The following XIRP2 variants were observed in gnomAD, a reference collection of about 807,000 sequenced individuals.
The protein encoded by XIRP2 is xin actin binding repeat containing 2.
Under a neutral mutation model 277.0 loss-of-function variants are expected in XIRP2, and 236 were observed. The observed-to-expected ratio is 0.85, with a 90% CI of 0.77 to 0.95. XIRP2 has a LOEUF of 0.95. XIRP2 is among the 40% of genes least tolerant of loss of function. XIRP2 has a pLI of 0.00. For synonymous variants in XIRP2, 1,490 were observed against 1,416.5 expected, an observed-to-expected ratio of 1.05 and a Z score of -1.17; for missense variants, 4,640 against 4,157.5, an observed-to-expected ratio of 1.12 and a Z score of -3.19.
At chr2:167,182,518 A>G (rs1032034751) in intron 3 of XIRP2, among the ~76,000 whole-genome samples, 7 of 152,136 alleles carry the variant, frequency 4.6e-5, no homozygotes, top group African/African-American at 1.7e-4. Context: ...AAAACATATC[A>G]CCCAACGTAG....
At chr2:167,042,154 C>T (rs1043260623) in intron 2 of XIRP2, among the ~76,000 whole-genome samples, 15 of 152,142 alleles carry the variant, frequency 9.9e-5, no homozygotes, top group Admixed American at 9.2e-4. Context: ...GAATTCATTA[C>T]GACCAGACCT....
intron 5 of XIRP2, among the ~76,000 whole-genome samples, chr2:167,222,771 G>T (rs1694470230): frequency 6.6e-6 from 1 of 152,128 alleles, no homozygotes; most frequent in African/African-American, 2.4e-5. Flanking sequence ...ATTTGCTATT[G>T]ATGTAAAATT....
chr2:166,910,829 T>C (rs1684681043), intron 2 of XIRP2, among the ~76,000 whole-genome samples: 2 of 152,224 alleles, frequency 1.3e-5, no homozygotes, highest in South Asian at 2.1e-4. Context: ...TTCTCATTGG[T>C]TTCAAAGAAC....
intron 7 of XIRP2, 70 bp downstream of exon 7, chr2:167,240,806 C>T (rs1199701227): frequency 2.4e-5 from 33 of 1,371,498 alleles, no homozygotes; most frequent in Non-Finnish European, 3.1e-5. Context: ...GAATGGATGA[C>T]TTCCAAAGCA....
chr2:167,172,274 T>G (rs1396431762), intron 3 of XIRP2, among the ~76,000 whole-genome samples: 1 of 152,124 alleles, frequency 6.6e-6, no homozygotes, highest in Non-Finnish European at 1.5e-5. Context: ...GTCACAGAGA[T>G]CACATGCTTC....
chr2:167,099,242 A>G (rs1400838587), intron 2 of XIRP2, among the ~76,000 whole-genome samples: 1 of 152,118 alleles, frequency 6.6e-6, no homozygotes, highest in Non-Finnish European at 1.5e-5. Flanking sequence ...TGGCTACAGT[A>G]GCTTTGCCTA....
chr2:167,167,336 A>G (rs909277675), intron 3 of XIRP2, among the ~76,000 whole-genome samples: 22 of 152,254 alleles, frequency 1.4e-4, no homozygotes, highest in African/African-American at 5.1e-4. Flanking sequence ...ATTCAAAGTG[A>G]TTACTAATAT....
chr2:166,938,155 C>T (rs1472404059), intron 2 of XIRP2, among the ~76,000 whole-genome samples: 1 of 152,092 alleles, frequency 6.6e-6, no homozygotes, highest in East Asian at 1.9e-4. Context: ...TGTGTTTGCT[C>T]TTGCTTTTCT....
chr2:167,039,173 G>T (rs1688591347), intron 2 of XIRP2, among the ~76,000 whole-genome samples: 1 of 151,676 alleles, frequency 6.6e-6, no homozygotes, highest in African/African-American at 2.4e-5. Context: ...ATAAAATAAG[G>T]ACAACTCTAA....
At position 166,965,950 on chromosome 2, in the gene XIRP2, T is replaced by A. The variant is rs556396934; in HGVS notation, c.408+62060T>A. The stretch of plus-strand genomic sequence containing the variant: ...TTTTATCAAATTAAAAGTTGTAAAC[T>A]GTTACATAAAATAGATAAAATAAAA... On this transcript the variant is annotated intron_variant, in intron 2 of 10. Transcript: ENST00000409195. Among the ~76,000 whole-genome samples the A allele has an allele frequency of 3.3e-5, 5 of 152,046 alleles. No individual in the cohort carries two copies. In the South Asian group the frequency reaches 8.3e-4, roughly 25 times the overall value.
intron 2 of XIRP2, among the ~76,000 whole-genome samples, chr2:167,102,902 A>G (rs566104527): frequency 6.6e-6 from 1 of 152,312 alleles, no homozygotes; most frequent in African/African-American, 2.4e-5. Context: ...GCAGTTTTAT[A>G]AAAATACAAT....
chr2:167,237,753 G>A (rs1412511545), intron 5 of XIRP2, among the ~76,000 whole-genome samples: 1 of 152,102 alleles, frequency 6.6e-6, no homozygotes, highest in Non-Finnish European at 1.5e-5. Flanking sequence ...GTTCTGATCA[G>A]GTGCACATTC....
intron 2 of XIRP2, among the ~76,000 whole-genome samples, chr2:166,924,419 G>A (rs1247666220): frequency 1.3e-5 from 2 of 151,944 alleles, no homozygotes; most frequent in African/African-American, 4.8e-5. Context: ...CAAGGACATG[G>A]ATCAGCTTTA....
intron 3 of XIRP2, among the ~76,000 whole-genome samples, chr2:167,155,989 C>T (rs1380769147): frequency 3.3e-5 from 5 of 150,124 alleles, no homozygotes; most frequent in African/African-American, 1.2e-4. Flanking sequence ...AGTGCACTCC[C>T]ATTCACAATT....
chr2:166,947,703 C>G (rs1228171913), intron 2 of XIRP2, among the ~76,000 whole-genome samples: 2 of 152,094 alleles, frequency 1.3e-5, no homozygotes, highest in Non-Finnish European at 2.9e-5. Context: ...TTGGTGGTTT[C>G]TTACAAAACT....
At position 167,257,884 on chromosome 2, in the gene XIRP2, A is replaced by G. The variant is rs769260179; in HGVS notation, c.*67A>G. 1 of 1,602,120 alleles carries G rather than the reference A, an allele frequency of 6.2e-7. No homozygotes were observed. The highest frequency in any genetic ancestry group is 8.5e-7 in the Non-Finnish European group (1 of 1,176,146). On this transcript the variant is annotated 3_prime_UTR_variant, in exon 11 of 11. Transcript: ENST00000409195. ...TGGGAAATTATGCATCACTTCATGG[A>G]CAAATATACTGTAAACCTCACTTTA...
In XIRP2 at chr2:167,251,354, T is replaced by C. The variant is rs181228402; in HGVS notation, c.9962T>C (p.Met3321Thr). The change falls in exon 9 of 11, where the codon ATG becomes ACG. Residue 3321 changes from methionine to threonine, a missense_variant. Physicochemically the swap from Met to Thr is moderately conservative, Grantham distance 81 (BLOSUM62 -1). Coordinates refer to ENST00000409195, the MANE Select transcript of XIRP2 (RefSeq NM_152381.6). ...RYEAANRTVQ[M>T]AENFVNDPEN... is the part of the protein sequence containing the mutation. Reference sequence around the variant, plus strand: ...GAAGCGGCCAACCGAACTGTTCAAATGGCTGAAAATTTCGTGAATGACCCT... The same window carrying C: ...GAAGCGGCCAACCGAACTGTTCAAACGGCTGAAAATTTCGTGAATGACCCT... 7 of 1,613,440 alleles carry C rather than the reference T, an allele frequency of 4.3e-6. No individual in the cohort carries two copies. Among genetic ancestry groups the C allele is most frequent in the Non-Finnish European group, 5.9e-6 (7 of 1,179,648 alleles).
At chr2:167,011,681 G>A (rs969372167) in intron 2 of XIRP2, among the ~76,000 whole-genome samples, 34 of 150,816 alleles carry the variant, frequency 2.3e-4, no homozygotes, top group African/African-American at 7.8e-4. Context: ...GGTAGAATTC[G>A]GCTGTGAGTC....
intron 1 of XIRP2, among the ~76,000 whole-genome samples, chr2:166,899,729 G>T (rs1025448205): frequency 1.3e-5 from 2 of 152,024 alleles, no homozygotes; most frequent in African/African-American, 2.4e-5. Context: ...TGAGAAATTT[G>T]CTGTCATTCA....
Sources: gnomAD v4.1 joint callset for allele counts (sites outside exome capture counted in the v4.1 genomes callset) on GRCh38, gnomAD v4.1.1 for gene constraint, MANE v1.5 for transcripts, NCBI Gene and HGNC (gene_info 2026-07-23, HGNC 2026-07-21) for gene names.